STXBP5: variants seen among roughly 807,000 people sequenced by gnomAD.
STXBP5 encodes the protein syntaxin-binding protein 5.
A neutral mutation model predicts 152.4 loss-of-function variants in STXBP5; 50 were observed. The observed-to-expected ratio is 0.33, with a 90% CI of 0.26 to 0.42. The LOEUF is 0.42. Ranked by LOEUF, STXBP5 falls within the 10% of genes least tolerant of loss-of-function variation. The pLI is 1.00. For missense variants in STXBP5, 1,167 were observed against 1,388.6 expected (o/e 0.84, Z 2.54); for synonymous variants, 492 against 494.7 (o/e 0.99, Z 0.07).
intron 7 of STXBP5, among the ~76,000 whole-genome samples, chr6:147,272,773 A>T (rs897249636): frequency 2.0e-5 from 3 of 152,176 alleles, no homozygotes; most frequent in African/African-American, 4.8e-5. Flanking sequence ...TACAGCTTTA[A>T]TTATTTATTT....
chr6:147,227,521 TC>T (rs1306722940), intron 2 of STXBP5, among the ~76,000 whole-genome samples: 1 of 152,186 alleles, frequency 6.6e-6, no homozygotes, highest in African/African-American at 2.4e-5. Context: ...GCCTCATATC[TC>T]CCCTCCCCTG....
chr6:147,258,515 G>T (rs771139827), intron 4 of STXBP5, among the ~76,000 whole-genome samples: 13 of 149,618 alleles, frequency 8.7e-5, no homozygotes, highest in Non-Finnish European at 1.8e-4. Flanking sequence ...CTCACTGCAA[G>T]CTCCGCCTCC....
At chr6:147,280,270 T>C (rs192737871) in intron 8 of STXBP5, among the ~76,000 whole-genome samples, 3 of 152,180 alleles carry the variant, frequency 2.0e-5, no homozygotes, top group African/African-American at 7.2e-5. Flanking sequence ...TTTTGTCTCA[T>C]GTTTATTCAT....
At chr6:147,243,940 T>G (rs1456698829) in intron 4 of STXBP5, among the ~76,000 whole-genome samples, 1 of 152,154 alleles carries the variant, frequency 6.6e-6, no homozygotes, top group East Asian at 1.9e-4. Flanking sequence ...GGTTGTCTAT[T>G]CTGTTTAAGA....
intron 6 of STXBP5, 131 bp downstream of exon 6, chr6:147,262,484 A>G (rs1562447069): frequency 2.1e-6 from 1 of 465,938 alleles, no homozygotes; most frequent in African/African-American, 2.1e-5. Flanking sequence ...TATACAGTTA[A>G]TGCTTATTAT....
chr6:147,349,286 G>A (rs979176392), intron 21 of STXBP5, among the ~76,000 whole-genome samples: 3 of 152,130 alleles, frequency 2.0e-5, no homozygotes, highest in Non-Finnish European at 4.4e-5. Context: ...AGGCAAAACT[G>A]ATCTGTACTT....
chr6:147,388,600 A>G lies in STXBP5; in HGVS notation c.*3845A>G, dbSNP rs1416201632. On this transcript the variant is annotated 3_prime_UTR_variant, in exon 28 of 28. Coordinates refer to ENST00000321680, the MANE Select transcript of STXBP5 (RefSeq NM_001127715.4). Reference sequence around the variant, plus strand: ...TACTGGTATCTCATATCGAGATACAATTAATTTTAAAAAATCATACATCAT... The same window carrying G: ...TACTGGTATCTCATATCGAGATACAGTTAATTTTAAAAAATCATACATCAT... 1 of 151,480 alleles carries G rather than the reference A, an allele frequency of 6.6e-6. No individual in the cohort carries two copies. The highest frequency in any genetic ancestry group is 1.5e-5 in the Non-Finnish European group (1 of 67,620). The allele number at this position is 151,480 out of a possible 1,614,324, so 9.4% of individuals were successfully genotyped here. A position where few individuals can be genotyped will look rare whatever the true frequency, so the allele number is the denominator to read the frequency against.
chr6:147,219,392 A>G (rs1034931296), intron 2 of STXBP5, among the ~76,000 whole-genome samples: 4 of 152,090 alleles, frequency 2.6e-5, no homozygotes, highest in African/African-American at 9.7e-5. Flanking sequence ...TTTTCTCGTA[A>G]TGCCTTTGGT....
intron 16 of STXBP5, among the ~76,000 whole-genome samples, chr6:147,322,057 A>G (rs1020888459): frequency 1.1e-4 from 17 of 152,212 alleles, no homozygotes; most frequent in African/African-American, 3.9e-4. Flanking sequence ...ATGTGCCCAT[A>G]TATGTACTTC....
chr6:147,250,005 A>G (rs976532671), intron 4 of STXBP5, among the ~76,000 whole-genome samples: 2 of 152,204 alleles, frequency 1.3e-5, no homozygotes, highest in Admixed American at 6.5e-5. Flanking sequence ...ACCCAATACA[A>G]TTTATTTAAG....
At chr6:147,354,407 A>G (rs1186076240) in intron 22 of STXBP5, among the ~76,000 whole-genome samples, 2 of 152,012 alleles carry the variant, frequency 1.3e-5, no homozygotes, top group Admixed American at 1.3e-4. Context: ...AGGGAACAAG[A>G]GTTAATCATA....
chr6:147,207,601 T>A (rs752988939), intron 2 of STXBP5, among the ~76,000 whole-genome samples: 17 of 152,290 alleles, frequency 1.1e-4, no homozygotes, highest in South Asian at 2.1e-4. Flanking sequence ...CCCTGAGTGT[T>A]CAGCAAAACT....
intron 18 of STXBP5, among the ~76,000 whole-genome samples, chr6:147,333,353 C>T (rs1783673988): frequency 6.6e-6 from 1 of 152,030 alleles, no homozygotes; most frequent in South Asian, 2.1e-4. Context: ...GAAACCCCAT[C>T]CCTACTAAAA....
At chr6:147,342,025 C>T (rs1215548031) in intron 21 of STXBP5, among the ~76,000 whole-genome samples, 1 of 152,140 alleles carries the variant, frequency 6.6e-6, no homozygotes, top group Admixed American at 6.6e-5. Flanking sequence ...CAGGTAGCCC[C>T]ACTCCATGGT....
At chr6:147,275,888 A>T (rs1343935404) in intron 7 of STXBP5, among the ~76,000 whole-genome samples, 1 of 151,976 alleles carries the variant, frequency 6.6e-6, no homozygotes, top group Middle Eastern at 3.2e-3. Flanking sequence ...ATCACCTGGA[A>T]ATTTTATATC....
chr6:147,284,135 C>G (rs1780838392), intron 8 of STXBP5, among the ~76,000 whole-genome samples: 1 of 152,026 alleles, frequency 6.6e-6, no homozygotes, highest in Non-Finnish European at 1.5e-5. Context: ...TCTTTGAAAT[C>G]TAGTGTGTAT....
chr6:147,235,290 A>G lies in STXBP5; in HGVS notation c.289A>G (p.Ser97Gly). Residue 97 changes from serine to glycine, a missense_variant, in exon 3 of 28, where the codon AGT (serine) becomes GGT (glycine). Around this residue, in one of 3 missense-constraint regions of STXBP5, gnomAD observed 310 missense variants for 346.1 expected, o/e 0.90. Transcript: ENST00000321680. The part of the protein sequence containing the change: ...PGVECYCQHD[S>G]GAAVIQLQFL... ...AGTAGAATGTTATTGCCAGCATGAC[A>G]GTGGAGCTGCAGTAATCCAGCTCCA... 2 of 1,613,454 alleles carry G rather than the reference A, an allele frequency of 1.2e-6. No individual in the cohort carries two copies. The highest frequency in any genetic ancestry group is 2.2e-5 in the South Asian group (2 of 91,046).
intron 8 of STXBP5, among the ~76,000 whole-genome samples, chr6:147,290,869 A>C (rs1781244015): frequency 6.6e-6 from 1 of 152,134 alleles, no homozygotes; most frequent in African/African-American, 2.4e-5. Flanking sequence ...AAATGTTCTT[A>C]CTAAGTTATT....
At chr6:147,331,715 A>G (rs987308446) in intron 18 of STXBP5, among the ~76,000 whole-genome samples, 3 of 149,562 alleles carry the variant, frequency 2.0e-5, no homozygotes, top group African/African-American at 7.4e-5. Context: ...TTACAGTTCT[A>G]TGTTTATGTT....
Sources: gnomAD v4.1 joint callset for allele counts (sites outside exome capture counted in the v4.1 genomes callset) on GRCh38, gnomAD v4.1.1 for gene constraint, gnomAD v4.1.1 regional missense constraint, MANE v1.5 for transcripts, NCBI Gene and HGNC (gene_info 2026-07-23, HGNC 2026-07-21) for gene names.